The following DLGAP2 variants were observed in gnomAD, a reference collection of about 807,000 sequenced individuals.
DLGAP2 encodes DLG associated protein 2.
A neutral mutation model predicts 100.3 loss-of-function variants in DLGAP2; 26 were observed. That is an observed-to-expected ratio of 0.26 (90% confidence interval 0.19 to 0.36). The LOEUF is 0.36. DLGAP2 is among the 10% of genes least tolerant of loss of function. The pLI is 1.00. For synonymous variants in DLGAP2, 886 were observed against 630.1 expected (o/e 1.41, Z -6.08); for missense variants, 1,858 against 1,453.2 (o/e 1.28, Z -4.53).
In DLGAP2 at chr8:1,026,758, T is replaced by C. The variant is rs140075580; in HGVS notation, c.73+118792T>C. On this transcript the variant is annotated intron_variant, in intron 2 of 14. Coordinates refer to ENST00000637795, the MANE Select transcript of DLGAP2 (RefSeq NM_001346810.2). ...GGTTTCTTACTCATGCAAAACAGCATTGAGTGTTATCAGTGCTACGTATTC... is the reference window on the plus strand; with the variant it reads ...GGTTTCTTACTCATGCAAAACAGCACTGAGTGTTATCAGTGCTACGTATTC... Among the ~76,000 whole-genome samples, 615 of 152,354 alleles carry C rather than the reference T, an allele frequency of 4.0e-3. 4 individuals are homozygous for C. The highest frequency in any genetic ancestry group is 0.014 in the African/African-American group (587 of 41,584).
At chr8:1,175,872 C>A (rs754181048) in intron 2 of DLGAP2, among the ~76,000 whole-genome samples, 1 of 152,168 alleles carries the variant, frequency 6.6e-6, no homozygotes, top group Non-Finnish European at 1.5e-5. Context: ...ACCCTGTGCC[C>A]GTTGTTTATT....
intron 1 of DLGAP2, among the ~76,000 whole-genome samples, chr8:784,293 C>G (rs1821779859): frequency 6.6e-6 from 1 of 152,168 alleles, no homozygotes; most frequent in Admixed American, 6.5e-5. Context: ...TAGAATCTTT[C>G]TCACAGAAAA....
intron 2 of DLGAP2, among the ~76,000 whole-genome samples, chr8:946,132 C>A (rs992719300): frequency 6.6e-6 from 1 of 152,090 alleles, no homozygotes; most frequent in East Asian, 1.9e-4. Flanking sequence ...TGGGAAGCTG[C>A]GCTTGGGCAA....
intron 8 of DLGAP2, among the ~76,000 whole-genome samples, chr8:1,644,777 A>G (rs1162554986): frequency 6.6e-6 from 1 of 152,264 alleles, no homozygotes; most frequent in East Asian, 1.9e-4. Flanking sequence ...TGTCTCAGGA[A>G]TATATTTAAA....
chr8:850,280 A>G (rs555052060), intron 1 of DLGAP2, among the ~76,000 whole-genome samples: 2 of 152,292 alleles, frequency 1.3e-5, no homozygotes, highest in South Asian at 2.1e-4. Flanking sequence ...ACATTTTTAA[A>G]TGCATTGTGC....
intron 3 of DLGAP2, among the ~76,000 whole-genome samples, chr8:1,276,286 C>G (rs780958994): frequency 6.6e-6 from 1 of 151,464 alleles, no homozygotes; most frequent in East Asian, 1.9e-4. Context: ...GCTTTTTTAC[C>G]CAAACACTAT....
At chr8:1,207,869 T>C (rs1798027929) in intron 2 of DLGAP2, among the ~76,000 whole-genome samples, 1 of 152,242 alleles carries the variant, frequency 6.6e-6, no homozygotes, top group Non-Finnish European at 1.5e-5. Context: ...GTATCTTCTT[T>C]TGAGATTTGC....
chr8:1,042,658 G>A (rs1438489070), intron 2 of DLGAP2, among the ~76,000 whole-genome samples: 16 of 152,174 alleles, frequency 1.1e-4, no homozygotes, highest in African/African-American at 3.9e-4. Flanking sequence ...CCTCTGGGAA[G>A]TCCTGGGGGC....
chr8:838,141 A>T (rs1585917189), intron 1 of DLGAP2, among the ~76,000 whole-genome samples: 1 of 152,092 alleles, frequency 6.6e-6, no homozygotes, highest in Non-Finnish European at 1.5e-5. Context: ...ACTCCTGATG[A>T]TGTCCTAAAC....
chr8:1,536,722 G>A (rs1260416801), intron 4 of DLGAP2, among the ~76,000 whole-genome samples: 2 of 152,122 alleles, frequency 1.3e-5, no homozygotes, highest in South Asian at 2.1e-4. Flanking sequence ...TATTCATTTT[G>A]TCTCCCTTTT....
chr8:1,269,301 C>T (rs1799531696), intron 3 of DLGAP2, among the ~76,000 whole-genome samples: 1 of 152,202 alleles, frequency 6.6e-6, no homozygotes, highest in African/African-American at 2.4e-5. Flanking sequence ...CAGCCTGGAG[C>T]TCCCAGCCTG....
chr8:1,086,971 G>A (rs1185614094), intron 2 of DLGAP2, among the ~76,000 whole-genome samples: 4 of 152,132 alleles, frequency 2.6e-5, no homozygotes, highest in Non-Finnish European at 4.4e-5. Flanking sequence ...TCAAGCACAC[G>A]TGGAACATTC....
At chr8:1,051,318 G>A (rs975807281) in intron 2 of DLGAP2, among the ~76,000 whole-genome samples, 12 of 152,066 alleles carry the variant, frequency 7.9e-5, no homozygotes, top group African/African-American at 2.9e-4. Context: ...AGGGGCACCG[G>A]GCTGTGTTGT....
intron 2 of DLGAP2, among the ~76,000 whole-genome samples, chr8:1,196,440 C>T (rs1797751078): frequency 2.0e-5 from 3 of 152,226 alleles, no homozygotes; most frequent in South Asian, 2.1e-4. Context: ...AGTGAGTGAA[C>T]GAGACAGTGA....
At chr8:1,255,005 G>GTCCGGGTGCTGTGTGTGTGT (rs1799150838) in intron 2 of DLGAP2, among the ~76,000 whole-genome samples, 2 of 99,458 alleles carry the variant, frequency 2.0e-5, no homozygotes, top group Admixed American at 9.8e-5. Flanking sequence ...CTCTCATCCT[G>GTCCGGGTGCTGTGTGTGTGT]CTTGGGCGCT....
chr8:1,601,149 A>G (rs892961887), intron 6 of DLGAP2, among the ~76,000 whole-genome samples: 1 of 151,982 alleles, frequency 6.6e-6, no homozygotes, highest in Non-Finnish European at 1.5e-5. Flanking sequence ...GGTCTGCTGG[A>G]GTTTGCTAGA....
At chr8:1,216,319 T>C (rs1290878344) in intron 2 of DLGAP2, among the ~76,000 whole-genome samples, 2 of 152,096 alleles carry the variant, frequency 1.3e-5, no homozygotes, top group Non-Finnish European at 2.9e-5. Flanking sequence ...CAGGAAGGCA[T>C]GTCCGTACTT....
At chr8:1,136,326 C>A (rs1796411627) in intron 2 of DLGAP2, among the ~76,000 whole-genome samples, 1 of 152,132 alleles carries the variant, frequency 6.6e-6, no homozygotes, top group African/African-American at 2.4e-5. Context: ...TCCCATCAGC[C>A]ATGAAGTGGG....
intron 3 of DLGAP2, among the ~76,000 whole-genome samples, chr8:1,346,228 T>C (rs1801551972): frequency 6.6e-6 from 1 of 152,016 alleles, no homozygotes; most frequent in Admixed American, 6.6e-5. Context: ...GGAGGTTGAG[T>C]TCCCCGTACA....
Sources: gnomAD v4.1 joint callset for allele counts (sites outside exome capture counted in the v4.1 genomes callset) on GRCh38, gnomAD v4.1.1 for gene constraint, MANE v1.5 for transcripts, NCBI Gene and HGNC (gene_info 2026-07-23, HGNC 2026-07-21) for gene names.